STK40: variants seen among roughly 807,000 people sequenced by gnomAD.
STK40 encodes the protein serine/threonine kinase 40.
Under a neutral mutation model 47.9 loss-of-function variants are expected in STK40, and 13 were observed. The ratio of observed to expected loss-of-function variants is 0.27; its 90% CI spans 0.18 to 0.43. The LOEUF (loss-of-function observed/expected upper bound fraction) is 0.43. Among genes scored for constraint, STK40 ranks in the 20% least tolerant of loss-of-function variants. The pLI is 1.00. For missense variants in STK40, 460 were observed against 595.1 expected (o/e 0.77, Z 2.36); for synonymous variants, 225 against 243.2 (o/e 0.93, Z 0.69).
At chr1:36,380,015 T>C in intron 1 of STK40, among the ~76,000 whole-genome samples, 1 of 152,180 alleles carries the variant, frequency 6.6e-6, no homozygotes, top group East Asian at 1.9e-4. Context: ...ACACTCACAG[T>C]GGGACACATC....
In STK40 at chr1:36,355,343, A is replaced by AGAGGCAGTCCAGGAC; in HGVS notation, c.418_432dup (p.Val140_Leu144dup). The AGAGGCAGTCCAGGAC allele has an allele frequency of 6.2e-7, 1 of 1,614,210 alleles. No homozygotes were observed. Among genetic ancestry groups the AGAGGCAGTCCAGGAC allele is most frequent in the African/African-American group, 1.3e-5 (1 of 75,060 alleles). The stretch of plus-strand genomic sequence containing the variant: ...GTCTTATCGCTGAAGTCATGAGCAC[A>AGAGGCAGTCCAGGAC]GAGGCAGTCCAGGACGAGGCAGATG... On this transcript the variant is annotated inframe_insertion, in exon 5 of 11. Coordinates refer to ENST00000373132, the MANE Select transcript of STK40 (RefSeq NM_001282547.2).
At chr1:36,348,981 G>C (rs1408040543) in intron 6 of STK40, among the ~76,000 whole-genome samples, 166 bp from the exon 7 acceptor site, 1 of 152,230 alleles carries the variant, frequency 6.6e-6, no homozygotes, top group Non-Finnish European at 1.5e-5. Flanking sequence ...CCAGGGAGCA[G>C]AGCAGAGGAA....
At chr1:36,371,685 CAAAA>C (rs57138983) in intron 1 of STK40, among the ~76,000 whole-genome samples, 424 of 27,972 alleles carry the variant, frequency 0.015, 2 homozygotes, top group African/African-American at 0.044. Flanking sequence ...ACCCTGTCTC[CAAAA>C]AAAAAAAAAA....
chr1:36,356,872 A>C (rs1221792799), intron 4 of STK40, among the ~76,000 whole-genome samples: 1 of 152,208 alleles, frequency 6.6e-6, no homozygotes, highest in Non-Finnish European at 1.5e-5. Flanking sequence ...GCTTCTGAAG[A>C]TATCACAGAC....
At chr1:36,343,136 C>T in intron 10 of STK40, 3 of 669,582 alleles carry the variant, frequency 4.5e-6, no homozygotes, top group Non-Finnish European at 8.3e-6. Flanking sequence ...GCTCGGCTGT[C>T]TCACAGGTCT....
chr1:36,355,411 TCAA>T lies in STK40; in HGVS notation c.362_364del (p.Val121del), dbSNP rs1175321406. 6.2e-7 allele frequency: 1 copy of T among 1,614,206 alleles called. No individual in the cohort carries two copies. Among genetic ancestry groups the T allele is most frequent in the East Asian group, 2.2e-5 (1 of 44,872 alleles). ...AACCATCCGGCTGGATTCTGTGTCC[TCAA>T]CGATTTCACAGGTGCGGTCCTGGGA... On this transcript the variant is annotated inframe_deletion, in exon 5 of 11. Coordinates refer to ENST00000373132, the MANE Select transcript of STK40 (RefSeq NM_001282547.2).
intron 1 of STK40, among the ~76,000 whole-genome samples, chr1:36,363,620 C>A (rs1323189664): frequency 1.3e-5 from 2 of 148,592 alleles, no homozygotes; most frequent in African/African-American, 5.0e-5. Context: ...TCCTGGCTAA[C>A]ACTGTGAAAC....
chr1:36,373,983 G>T (rs1158302842), intron 1 of STK40, among the ~76,000 whole-genome samples: 1 of 152,226 alleles, frequency 6.6e-6, no homozygotes, highest in Non-Finnish European at 1.5e-5. Context: ...TGGGAAGTGG[G>T]AGGGGCGGTC....
chr1:36,345,109 A>G (rs1331581263), intron 7 of STK40, among the ~76,000 whole-genome samples: 1 of 152,122 alleles, frequency 6.6e-6, no homozygotes, highest in South Asian at 2.1e-4. Flanking sequence ...ACTCCCCCAA[A>G]TGCAAAATAT....
At chr1:36,344,678 T>C (rs1478340762) in intron 7 of STK40, among the ~76,000 whole-genome samples, 1 of 152,198 alleles carries the variant, frequency 6.6e-6, no homozygotes, top group Non-Finnish European at 1.5e-5. Flanking sequence ...GGATGACTAC[T>C]TGCAGGTCCC....
chr1:36,377,532 CAAAAA>C (rs746089027), intron 1 of STK40, among the ~76,000 whole-genome samples: 1,146 of 35,412 alleles, frequency 0.032, 15 homozygotes, highest in African/African-American at 0.086. Context: ...GACTCCGTCT[CAAAAA>C]AAAAAAAAAA....
chr1:36,352,507 CGAA>C (rs1211883792), intron 6 of STK40, among the ~76,000 whole-genome samples: 6 of 152,268 alleles, frequency 3.9e-5, no homozygotes, highest in African/African-American at 1.4e-4. Flanking sequence ...TCCAAGATAA[CGAA>C]GAAGTGGCAC....
At chr1:36,379,758 C>G (rs913667521) in intron 1 of STK40, among the ~76,000 whole-genome samples, 2 of 152,090 alleles carry the variant, frequency 1.3e-5, no homozygotes, top group African/African-American at 4.8e-5. Context: ...AGAACAGATT[C>G]ACTTGCTGGG....
At chr1:36,362,100 T>G (rs961583671) in intron 1 of STK40, among the ~76,000 whole-genome samples, 4 of 152,216 alleles carry the variant, frequency 2.6e-5, no homozygotes, top group African/African-American at 9.7e-5. Context: ...CTGAGCACTC[T>G]GATTTGCCTG....
intron 7 of STK40, among the ~76,000 whole-genome samples, chr1:36,344,566 G>C (rs1248314555): frequency 1.3e-5 from 2 of 152,192 alleles, no homozygotes; most frequent in African/African-American, 4.8e-5. Context: ...TCACAAGCAG[G>C]GGGTCAAGAA....
intron 1 of STK40, 30 bp from the exon 2 acceptor site, chr1:36,361,370 T>G (rs1275664458): frequency 2.5e-6 from 4 of 1,612,896 alleles, no homozygotes; most frequent in Non-Finnish European, 3.4e-6. Context: ...CCCTTCTCAC[T>G]GAGTAAGTCA....
At chr1:36,364,775 G>A (rs1306777376) in intron 1 of STK40, among the ~76,000 whole-genome samples, 1 of 151,938 alleles carries the variant, frequency 6.6e-6, no homozygotes, top group African/African-American at 2.4e-5. Flanking sequence ...CCTGGGCAAC[G>A]TTGCGAGACC....
intron 1 of STK40, among the ~76,000 whole-genome samples, chr1:36,379,506 G>A (rs1015672301): frequency 1.0e-4 from 15 of 150,458 alleles, no homozygotes; most frequent in African/African-American, 3.2e-4. Context: ...TCAGCCTCCC[G>A]AGTAGCTGGG....
At chr1:36,366,281 G>A (rs1031251852) in intron 1 of STK40, among the ~76,000 whole-genome samples, 9 of 152,154 alleles carry the variant, frequency 5.9e-5, no homozygotes, top group South Asian at 4.1e-4. Context: ...CTCAGGATTC[G>A]ACTCAAGCAA....
Sources: allele counts gnomAD v4.1 joint callset (sites outside exome capture counted in the v4.1 genomes callset), GRCh38; gene constraint gnomAD v4.1.1; transcripts MANE v1.5; gene names NCBI Gene and HGNC (gene_info 2026-07-23, HGNC 2026-07-21).